The following SPECC1 variants were observed in gnomAD, a reference collection of about 807,000 sequenced individuals.
SPECC1 encodes cytospin-B.
SPECC1 carries 62 observed loss-of-function variants against 104.1 expected under a neutral mutation model. The ratio of observed to expected loss-of-function variants is 0.60; its 90% confidence interval spans 0.49 to 0.74. SPECC1 has a LOEUF of 0.74. SPECC1 is among the 30% of genes least tolerant of loss of function. SPECC1 has a pLI of 0.00. For synonymous variants in SPECC1, 513 were observed against 501.6 expected, an observed-to-expected ratio of 1.02 and a Z score of -0.30; for missense variants, 1,306 against 1,310.5, an observed-to-expected ratio of 1.00 and a Z score of 0.05.
rs573722292 is a variant in SPECC1 at position 20,306,178 on chromosome 17, T to C, written c.3117+96T>C. The C allele has an allele frequency of 9.1e-6, 11 of 1,205,280 alleles. No homozygotes were observed. In the African/African-American group the frequency reaches 1.5e-4, roughly 17 times the overall value. The allele number at this position is 1,205,280 out of a possible 1,614,324, so 74.7% of individuals were successfully genotyped here. ...CAGTTTCTCGTAGAACATTGACATC[T>C]GTTTGCCGAAAGTCTGTTGCTCTCA... On this transcript the variant is annotated intron_variant, in intron 14 of 14. Transcript: ENST00000395527.
intron 3 of SPECC1, among the ~76,000 whole-genome samples, chr17:20,131,215 G>A (rs569027551): frequency 5.9e-5 from 9 of 152,104 alleles, no homozygotes; most frequent in Non-Finnish European, 1.2e-4. Flanking sequence ...CTTTTGAGTC[G>A]TTTTCTTCCT....
chr17:20,304,778 G>T (rs1267284858), intron 13 of SPECC1, among the ~76,000 whole-genome samples: 1 of 152,098 alleles, frequency 6.6e-6, no homozygotes, highest in Non-Finnish European at 1.5e-5. Flanking sequence ...GCTCGAGGCT[G>T]TGATAAAGGA....
At chr17:20,206,629 G>T (rs545755842) in intron 4 of SPECC1, among the ~76,000 whole-genome samples, 1 of 151,874 alleles carries the variant, frequency 6.6e-6, no homozygotes, top group Admixed American at 6.6e-5. Context: ...TACATGTATT[G>T]TCAAACATTT....
intron 12 of SPECC1, among the ~76,000 whole-genome samples, chr17:20,271,539 G>A (rs9897328): frequency 0.71 from 107,536 of 151,850 alleles, 39,865 homozygotes; most frequent in East Asian, 0.99. Flanking sequence ...ACTTAGTTTT[G>A]TATGTAAATG....
At position 20,260,315 on chromosome 17, in the gene SPECC1, A is replaced by G. The variant is rs1383544479; in HGVS notation, c.2940+21A>G. ...ATGCGGTAAGGGACAACATCAGCCAACTTCCAGCTGCCCCTGGGCAGTAGT... is the reference window on the plus strand; with the variant it reads ...ATGCGGTAAGGGACAACATCAGCCAGCTTCCAGCTGCCCCTGGGCAGTAGT... On this transcript the variant is annotated intron_variant, in intron 12 of 14. Transcript: ENST00000395527. 2.5e-6 allele frequency: 4 copies of G among 1,608,458 alleles called. No individual in the cohort carries two copies. The Admixed American group carries it at 6.7e-5, about 27-fold the overall frequency.
chr17:20,079,356 G>A (rs1174426700), intron 1 of SPECC1, among the ~76,000 whole-genome samples: 1 of 152,176 alleles, frequency 6.6e-6, no homozygotes, highest in East Asian at 1.9e-4. Context: ...CTGGAGTGCA[G>A]TGATGAGATT....
chr17:20,230,731 G>T (rs1188285954), intron 5 of SPECC1, among the ~76,000 whole-genome samples: 1 of 152,096 alleles, frequency 6.6e-6, no homozygotes, highest in African/African-American at 2.4e-5. Context: ...GGATATTGAG[G>T]TATTGTTAAG....
intron 3 of SPECC1, among the ~76,000 whole-genome samples, chr17:20,203,659 T>C (rs1039013608): frequency 1.3e-5 from 2 of 152,254 alleles, no homozygotes; most frequent in African/African-American, 4.8e-5. Flanking sequence ...TGTCAAAATA[T>C]GTTAATGATG....
At chr17:20,154,396 A>G (rs141582642) in intron 3 of SPECC1, among the ~76,000 whole-genome samples, 30 of 152,320 alleles carry the variant, frequency 2.0e-4, no homozygotes, top group Non-Finnish European at 3.8e-4. Flanking sequence ...CATAAGGTCT[A>G]TGCAGTGTAG....
chr17:20,294,926 C>T (rs1454203904), intron 12 of SPECC1, among the ~76,000 whole-genome samples: 2 of 152,064 alleles, frequency 1.3e-5, no homozygotes, highest in Admixed American at 1.3e-4. Flanking sequence ...CAGGCCATTC[C>T]TGGTACCAAA....
At chr17:20,093,931 A>C (rs1307695923) in intron 1 of SPECC1, among the ~76,000 whole-genome samples, 1 of 151,720 alleles carries the variant, frequency 6.6e-6, no homozygotes, top group Non-Finnish European at 1.5e-5. Context: ...GGGTCTCACC[A>C]TGTTGCCCAG....
intron 14 of SPECC1, among the ~76,000 whole-genome samples, chr17:20,308,236 A>G (rs1244106530): frequency 6.6e-6 from 1 of 151,952 alleles, no homozygotes; most frequent in African/African-American, 2.4e-5. Context: ...AAAGATACAC[A>G]AAATTGGCCA....
rs147406877 is a variant in SPECC1, at chr17:20,104,366, A to G, written c.148-6061A>G. On this transcript the variant is annotated intron_variant, in intron 2 of 14. Transcript: ENST00000395527. Reference sequence around the variant, plus strand: ...GCACAAAATGCAGTGACACTGATCAATAAACTCTTTAAGCCTAATAAGCAT... The same window carrying G: ...GCACAAAATGCAGTGACACTGATCAGTAAACTCTTTAAGCCTAATAAGCAT... Among the ~76,000 whole-genome samples the G allele has an allele frequency of 1.5e-3, 224 of 151,904 alleles. 3 individuals carry two copies. The highest frequency in any genetic ancestry group is 0.01 in the Middle Eastern group (3 of 294).
intron 1 of SPECC1, among the ~76,000 whole-genome samples, chr17:20,054,863 G>A (rs1369840824): frequency 6.6e-6 from 1 of 152,086 alleles, no homozygotes; most frequent in African/African-American, 2.4e-5. Context: ...ATGTTACCCA[G>A]GCTAGTCTCG....
At chr17:20,232,048 CT>C in intron 6 of SPECC1, 151 bp from the exon 7 acceptor site, 12 of 980,686 alleles carry the variant, frequency 1.2e-5, no homozygotes, top group Non-Finnish European at 1.9e-5. Context: ...CCACCAGTGC[CT>C]TTTCCTAGCA....
chr17:20,017,154 C>G (rs116660333), intron 1 of SPECC1: 10,521 of 152,344 alleles, frequency 0.069, 987 homozygotes, highest in African/African-American at 0.21. Context: ...TGGTAACGTG[C>G]TGCGGTCGCA....
At chr17:20,123,273 A>G (rs2049127425) in intron 3 of SPECC1, among the ~76,000 whole-genome samples, 1 of 152,200 alleles carries the variant, frequency 6.6e-6, no homozygotes, top group Non-Finnish European at 1.5e-5. Flanking sequence ...CACTATTTTA[A>G]ACTGATATCA....
chr17:20,059,560 C>T (rs1327484801), intron 1 of SPECC1, among the ~76,000 whole-genome samples: 2 of 118,626 alleles, frequency 1.7e-5, no homozygotes, highest in Non-Finnish European at 4.0e-5. Flanking sequence ...GCATGAAGTG[C>T]AACTTCTTCT....
intron 1 of SPECC1, among the ~76,000 whole-genome samples, chr17:20,088,001 A>G (rs139623284): frequency 1.3e-3 from 203 of 152,300 alleles, no homozygotes; most frequent in African/African-American, 3.9e-3. Context: ...CAGCAGGGTC[A>G]GAGCTCTTCC....
Sources: allele counts gnomAD v4.1 joint callset (sites outside exome capture counted in the v4.1 genomes callset), GRCh38; gene constraint gnomAD v4.1.1; transcripts MANE v1.5; gene names NCBI Gene and HGNC (gene_info 2026-07-23, HGNC 2026-07-21).